Variants in CDH13 observed in about 807,000 individuals in gnomAD.
The protein encoded by CDH13 is cadherin 13.
A neutral mutation model predicts 63.8 loss-of-function variants in CDH13; 24 were observed. The observed-to-expected ratio is 0.38, with a 90% CI of 0.27 to 0.53. CDH13 has a LOEUF of 0.53. Ranked by LOEUF, CDH13 falls within the 20% of genes least tolerant of loss-of-function variation. CDH13 has a pLI of 0.85. For missense variants in CDH13, 1,049 were observed against 903.1 expected (o/e 1.16, Z -2.07); for synonymous variants, 503 against 355.3 (o/e 1.42, Z -4.67).
At chr16:82,767,672 C>T (rs904975590) in intron 1 of CDH13, among the ~76,000 whole-genome samples, 1 of 152,202 alleles carries the variant, frequency 6.6e-6, no homozygotes, top group Non-Finnish European at 1.5e-5. Context: ...TCTGCCCTTC[C>T]TCTGGAGATC....
intron 11 of CDH13, among the ~76,000 whole-genome samples, chr16:83,779,249 A>G (rs887270892): frequency 6.6e-6 from 1 of 151,832 alleles, no homozygotes; most frequent in Non-Finnish European, 1.5e-5. Flanking sequence ...TACTAAAACT[A>G]CAAAAAAATT....
chr16:83,505,453 G>A (rs536346996), intron 7 of CDH13, among the ~76,000 whole-genome samples: 2 of 151,452 alleles, frequency 1.3e-5, no homozygotes, highest in Non-Finnish European at 1.5e-5. Flanking sequence ...CTACATGTGA[G>A]CACCAAAGGG....
chr16:82,820,667 G>C (rs1373190664), intron 1 of CDH13, among the ~76,000 whole-genome samples: 1 of 152,170 alleles, frequency 6.6e-6, no homozygotes, highest in Non-Finnish European at 1.5e-5. Flanking sequence ...AGAAATGAAA[G>C]ACATAGACAG....
At chr16:83,790,668 G>GCT (rs1184439527) in intron 13 of CDH13, among the ~76,000 whole-genome samples, 1 of 152,216 alleles carries the variant, frequency 6.6e-6, no homozygotes, top group Non-Finnish European at 1.5e-5. Context: ...CTCCCAAAGT[G>GCT]CTGGGATTAC....
intron 2 of CDH13, among the ~76,000 whole-genome samples, chr16:82,989,606 C>A (rs1402304184): frequency 1.3e-5 from 2 of 152,106 alleles, no homozygotes; most frequent in Non-Finnish European, 2.9e-5. Flanking sequence ...CTGTGTGGAC[C>A]AGTGATACAA....
At chr16:83,618,424 AAAAAAAAAAAG>A (rs1327966827) in intron 8 of CDH13, among the ~76,000 whole-genome samples, 5 of 151,850 alleles carry the variant, frequency 3.3e-5, no homozygotes, top group Non-Finnish European at 1.5e-5. Flanking sequence ...GACTCCAAAA[AAAAAAAAAAAG>A]AAAAAGAAAA....
chr16:82,681,661 C>G (rs912652508), intron 1 of CDH13, among the ~76,000 whole-genome samples: 3 of 152,226 alleles, frequency 2.0e-5, no homozygotes, highest in Non-Finnish European at 4.4e-5. Flanking sequence ...GTTGCATTCC[C>G]TCACCTTTCT....
At chr16:82,993,532 G>A (rs1483179643) in intron 2 of CDH13, among the ~76,000 whole-genome samples, 1 of 152,108 alleles carries the variant, frequency 6.6e-6, no homozygotes, top group African/African-American at 2.4e-5. Flanking sequence ...CATCATCATT[G>A]TGAAGTAGCA....
At chr16:83,105,464 C>G (rs1438818642) in intron 3 of CDH13, among the ~76,000 whole-genome samples, 2 of 152,132 alleles carry the variant, frequency 1.3e-5, no homozygotes, top group Non-Finnish European at 2.9e-5. Flanking sequence ...ATTCGGCTGC[C>G]AGGGAGAGGA....
At chr16:83,189,177 C>G (rs2038619129) in intron 4 of CDH13, among the ~76,000 whole-genome samples, 1 of 152,122 alleles carries the variant, frequency 6.6e-6, no homozygotes, top group Admixed American at 6.5e-5. Flanking sequence ...TGCTCTCATC[C>G]TAATTTAGGG....
chr16:83,106,370 T>G (rs1234003752), intron 3 of CDH13, among the ~76,000 whole-genome samples: 1 of 152,032 alleles, frequency 6.6e-6, no homozygotes, highest in Non-Finnish European at 1.5e-5. Context: ...AAACCCTGTC[T>G]CTACTAAAGA....
intron 1 of CDH13, among the ~76,000 whole-genome samples, chr16:82,750,781 AT>A (rs72165832): frequency 0.015 from 2,308 of 150,800 alleles, 58 homozygotes; most frequent in African/African-American, 0.054. Context: ...GCTTAAGCTG[AT>A]TTTTTTTTTC....
chr16:83,246,143 T>C (rs577501893), intron 5 of CDH13, among the ~76,000 whole-genome samples: 2 of 152,340 alleles, frequency 1.3e-5, no homozygotes, highest in Non-Finnish European at 2.9e-5. Context: ...TAATTATATA[T>C]TTGGACTAGA....
At chr16:83,116,183 G>A (rs996059439) in intron 3 of CDH13, among the ~76,000 whole-genome samples, 10 of 152,186 alleles carry the variant, frequency 6.6e-5, no homozygotes, top group African/African-American at 2.2e-4. Context: ...TTCGCTTTTG[G>A]GACACCTTCC....
chr16:83,687,664 C>T (rs1711600841), intron 10 of CDH13, among the ~76,000 whole-genome samples: 1 of 152,190 alleles, frequency 6.6e-6, no homozygotes, highest in Non-Finnish European at 1.5e-5. Context: ...CTAATGTCTA[C>T]CAACCATGAA....
chr16:83,013,615 A>G (rs970089841), intron 2 of CDH13, among the ~76,000 whole-genome samples: 5 of 152,218 alleles, frequency 3.3e-5, no homozygotes, highest in African/African-American at 1.2e-4. Flanking sequence ...AGAAAAGCAG[A>G]TGAACAGAAA....
At chr16:82,865,554 C>T (rs1409855602) in intron 2 of CDH13, among the ~76,000 whole-genome samples, 1 of 152,146 alleles carries the variant, frequency 6.6e-6, no homozygotes, top group Non-Finnish European at 1.5e-5. Flanking sequence ...TAGCCATGGC[C>T]AAAATGCAGG....
chr16:82,879,830 A>AATTAT (rs57707546), intron 2 of CDH13, among the ~76,000 whole-genome samples: 35,787 of 138,904 alleles, frequency 0.26, 6,035 homozygotes, highest in East Asian at 0.82. Context: ...AATATATATA[A>AATTAT]ATTATGCAAA....
chr16:83,062,515 A>G (rs1306572852), intron 3 of CDH13, among the ~76,000 whole-genome samples: 1 of 152,302 alleles, frequency 6.6e-6, no homozygotes, highest in South Asian at 2.1e-4. Context: ...TCATGGTCCC[A>G]GGGATCATGA....
Sources: gnomAD v4.1 joint callset for allele counts (sites outside exome capture counted in the v4.1 genomes callset) on GRCh38, gnomAD v4.1.1 for gene constraint, MANE v1.5 for transcripts, NCBI Gene and HGNC (gene_info 2026-07-23, HGNC 2026-07-21) for gene names.